TUSC3: variants seen among roughly 807,000 people sequenced by gnomAD.
TUSC3 encodes tumor suppressor candidate 3.
In TUSC3, 45 loss-of-function variants were observed where a neutral mutation model predicts 44.8. The observed-to-expected ratio is 1.00, with a 90% CI of 0.79 to 1.29. The LOEUF (loss-of-function observed/expected upper bound fraction) is 1.29, where lower values mean the gene tolerates loss of function less well. Ranked by LOEUF, TUSC3 falls within the 50% of genes most tolerant of loss-of-function variation. TUSC3 has a pLI of 0.00. For synonymous variants in TUSC3, 212 were observed against 152.9 expected (o/e 1.39, Z -2.85); for missense variants, 519 against 437.9 (o/e 1.19, Z -1.65).
intron 1 of TUSC3, among the ~76,000 whole-genome samples, chr8:15,572,040 T>C (rs989448122): frequency 2.6e-5 from 4 of 152,122 alleles, no homozygotes; most frequent in Non-Finnish European, 4.4e-5. Flanking sequence ...TAAATGAACG[T>C]TGGCTTCAAC....
intron 2 of TUSC3, among the ~76,000 whole-genome samples, chr8:15,636,733 T>C (rs1355344181): frequency 6.6e-6 from 1 of 152,220 alleles, no homozygotes; most frequent in Non-Finnish European, 1.5e-5. Context: ...GGCTAGTCTA[T>C]ATAAATGATG....
chr8:15,834,715 G>A, the TUSC3 span, among the ~76,000 whole-genome samples: 1 of 151,798 alleles, frequency 6.6e-6, no homozygotes, highest in Non-Finnish European at 1.5e-5. Flanking sequence ...GTATTCTGTT[G>A]GCCTGTTTTT....
intron 2 of TUSC3, among the ~76,000 whole-genome samples, chr8:15,624,424 A>G (rs1460951349): frequency 1.3e-5 from 2 of 152,186 alleles, no homozygotes; most frequent in Non-Finnish European, 2.9e-5. Context: ...ATCATTTCAC[A>G]TTCCAGCCAT....
the TUSC3 span, among the ~76,000 whole-genome samples, chr8:15,843,928 T>C: frequency 6.6e-5 from 10 of 152,122 alleles, no homozygotes; most frequent in Admixed American, 2.0e-4. Flanking sequence ...ATTTGTAGCA[T>C]TTGTGTTTGG....
chr8:15,421,074 A>G (rs547918254), intron 1 of TUSC3, among the ~76,000 whole-genome samples: 4 of 152,308 alleles, frequency 2.6e-5, no homozygotes, highest in Non-Finnish European at 1.5e-5. Flanking sequence ...GCTAGAATGT[A>G]ACATAGTCAT....
chr8:15,664,333 C>A (rs554479428), intron 5 of TUSC3, among the ~76,000 whole-genome samples: 4 of 151,194 alleles, frequency 2.6e-5, no homozygotes, highest in African/African-American at 4.9e-5. Context: ...TACAGTGAGC[C>A]CTTATGACTA....
At chr8:15,760,246 C>T (rs1301054973) in intron 10 of TUSC3, among the ~76,000 whole-genome samples, 1 of 152,166 alleles carries the variant, frequency 6.6e-6, no homozygotes, top group Non-Finnish European at 1.5e-5. Flanking sequence ...TAAATCCCAA[C>T]ACCCAGGTCA....
intron 1 of TUSC3, among the ~76,000 whole-genome samples, chr8:15,615,907 TC>T (rs1804967855): frequency 1.3e-5 from 2 of 152,176 alleles, no homozygotes; most frequent in Non-Finnish European, 2.9e-5. Context: ...GTTCCACAGT[TC>T]CGTGGCTTGA....
intron 6 of TUSC3, among the ~76,000 whole-genome samples, chr8:15,730,078 T>G (rs1375583988): frequency 6.6e-6 from 1 of 152,108 alleles, no homozygotes; most frequent in Non-Finnish European, 1.5e-5. Flanking sequence ...GAAATAATCA[T>G]GGGAATCAAT....
At chr8:15,476,759 T>C (rs150729608) in intron 1 of TUSC3, among the ~76,000 whole-genome samples, 1,950 of 152,312 alleles carry the variant, frequency 0.013, 40 homozygotes, top group African/African-American at 0.044. Flanking sequence ...TTTCTGGGGT[T>C]TAAATACCCT....
rs1224249407 is a variant in TUSC3 at position 15,766,110 on chromosome 8, C to G, written c.*1954C>G. 6.6e-6 allele frequency: 1 copy of G among 151,862 alleles called. No homozygotes were observed. Among genetic ancestry groups the G allele is most frequent in the South Asian group, 2.1e-4 (1 of 4,824 alleles). The allele number at this position is 151,862 out of a possible 1,614,324, so 9.4% of individuals were successfully genotyped here. ...GTAAAGGTTTTCTAGCTCTTATTTT[C>G]TAATTTCCTCTGAGCATTTAAAATT... On this transcript the variant is annotated 3_prime_UTR_variant, in exon 11 of 11. Transcript: ENST00000503731.
intron 1 of TUSC3, among the ~76,000 whole-genome samples, chr8:15,558,750 G>C (rs879510036): frequency 2.6e-3 from 316 of 119,630 alleles, no homozygotes; most frequent in Middle Eastern, 4.5e-3. Context: ...TGTATGTGTC[G>C]AGGAATTTAT....
intron 1 of TUSC3, among the ~76,000 whole-genome samples, chr8:15,453,772 C>T (rs948671878): frequency 1.2e-4 from 18 of 152,152 alleles, no homozygotes; most frequent in African/African-American, 4.3e-4. Flanking sequence ...AGGGCTCCCC[C>T]TACCCACAAC....
rs921789294 is a variant in TUSC3 at position 15,424,163 on chromosome 8, A to G, written n.91+6858A>G. Among the ~76,000 whole-genome samples, 4 of 151,256 alleles carry G rather than the reference A, an allele frequency of 2.6e-5. No individual in the cohort carries two copies. The East Asian group carries it at 7.9e-4, about 30-fold the overall frequency. ...ACGCCACCACTCAGCAAAGTTTTGT[A>G]TTTTTAGTATAGAGGGGGTTTCACC... On this transcript the variant is annotated intron_variant and non_coding_transcript_variant, in intron 1 of 5. Transcript: ENST00000503191.
chr8:15,761,399 G>A (rs1812163585), intron 10 of TUSC3, among the ~76,000 whole-genome samples: 2 of 152,142 alleles, frequency 1.3e-5, no homozygotes, highest in East Asian at 1.9e-4. Context: ...AGGAATGGTT[G>A]CTTCTCTTAG....
intron 2 of TUSC3, among the ~76,000 whole-genome samples, chr8:15,485,717 G>C (rs189912481): frequency 6.4e-4 from 97 of 152,240 alleles, no homozygotes; most frequent in African/African-American, 2.2e-3. Context: ...GCAGACCAAG[G>C]ACAGAGCTTT....
At chr8:15,450,386 A>T (rs1002685522) in intron 1 of TUSC3, among the ~76,000 whole-genome samples, 1 of 149,504 alleles carries the variant, frequency 6.7e-6, no homozygotes, top group African/African-American at 2.5e-5. Context: ...TCAAGGTGCT[A>T]TTTAAAAGTA....
At chr8:15,447,715 T>TTTC (rs1800125289) in intron 1 of TUSC3, among the ~76,000 whole-genome samples, 5 of 151,892 alleles carry the variant, frequency 3.3e-5, no homozygotes, top group Non-Finnish European at 7.4e-5. Context: ...TTTACTTACT[T>TTTC]TTATTTTTCT....
intron 1 of TUSC3, among the ~76,000 whole-genome samples, chr8:15,581,861 C>CCGCCGCTTT (rs1204024995): frequency 1.1e-5 from 1 of 92,268 alleles, no homozygotes; most frequent in Non-Finnish European, 2.1e-5. Flanking sequence ...TGGAGCTTCC[C>CCGCCGCTTT]GTTTACCTAA....
Sources: gnomAD v4.1 joint callset for allele counts (sites outside exome capture counted in the v4.1 genomes callset) on GRCh38, gnomAD v4.1.1 for gene constraint, MANE v1.5 for transcripts, NCBI Gene and HGNC (gene_info 2026-07-23, HGNC 2026-07-21) for gene names.